SLC25A48: variants seen among roughly 807,000 people sequenced by gnomAD.
SLC25A48 encodes the protein solute carrier family 25 member 48, also known as CTC-321K16.1.
A neutral mutation model predicts 32.2 loss-of-function variants in SLC25A48; 29 were observed. The observed-to-expected ratio is 0.90, with a 90% CI of 0.67 to 1.23. SLC25A48 has a LOEUF of 1.23. Ranked by LOEUF, SLC25A48 falls within the 50% of genes most tolerant of loss-of-function variation. SLC25A48 has a pLI of 0.00. For synonymous variants in SLC25A48, 164 were observed against 172.3 expected (o/e 0.95, Z 0.38); for missense variants, 399 against 422.7 (o/e 0.94, Z 0.49).
intron 3 of SLC25A48, among the ~76,000 whole-genome samples, chr5:135,792,537 T>C (rs1474484642): frequency 6.6e-6 from 1 of 151,760 alleles, no homozygotes; most frequent in Non-Finnish European, 1.5e-5. Context: ...ATTATGTGTA[T>C]ACACTCTCTG....
chr5:135,858,181 G>C (rs575085539), intron 4 of SLC25A48, among the ~76,000 whole-genome samples: 1 of 152,320 alleles, frequency 6.6e-6, no homozygotes, highest in South Asian at 2.1e-4. Flanking sequence ...TGTTTGTTCT[G>C]TTCTTCCCTG....
chr5:135,840,221 A>G (rs1259219389), intron 1 of SLC25A48, among the ~76,000 whole-genome samples: 1 of 152,136 alleles, frequency 6.6e-6, no homozygotes, highest in African/African-American at 2.4e-5. Context: ...TGAGCATCCT[A>G]TAGGTGTCAG....
At chr5:135,848,801 T>C (rs1759609183) in intron 2 of SLC25A48, among the ~76,000 whole-genome samples, 1 of 152,194 alleles carries the variant, frequency 6.6e-6, no homozygotes, top group Non-Finnish European at 1.5e-5. Context: ...GTAATAATTA[T>C]GAACAGGGTG....
intron 3 of SLC25A48, among the ~76,000 whole-genome samples, chr5:135,643,471 C>G (rs1752887209): frequency 6.6e-6 from 1 of 152,166 alleles, no homozygotes; most frequent in Non-Finnish European, 1.5e-5. Flanking sequence ...CAAGATGGCC[C>G]CATCACTGCA....
intron 3 of SLC25A48, among the ~76,000 whole-genome samples, chr5:135,705,614 G>A (rs975351022): frequency 1.3e-5 from 2 of 152,212 alleles, no homozygotes; most frequent in African/African-American, 2.4e-5. Flanking sequence ...ACCTTGCTTG[G>A]AAGAACAGAT....
intron 4 of SLC25A48, among the ~76,000 whole-genome samples, chr5:135,813,531 C>A (rs1203687638): frequency 5.3e-5 from 8 of 152,222 alleles, no homozygotes. Flanking sequence ...AGCTATAAGA[C>A]CCTTGAGTAG....
intron 3 of SLC25A48, among the ~76,000 whole-genome samples, chr5:135,684,178 C>T (rs1356674121): frequency 6.6e-6 from 1 of 152,182 alleles, no homozygotes; most frequent in African/African-American, 2.4e-5. Context: ...TTCTCCTGAT[C>T]CCCAACAACT....
At chr5:135,853,545 C>T (rs1760065456) in intron 4 of SLC25A48, among the ~76,000 whole-genome samples, 1 of 152,210 alleles carries the variant, frequency 6.6e-6, no homozygotes. Flanking sequence ...CTTTCTCATC[C>T]ATAAGAAGTA....
At chr5:135,697,671 G>A (rs558041349) in intron 3 of SLC25A48, among the ~76,000 whole-genome samples, 1 of 152,308 alleles carries the variant, frequency 6.6e-6, no homozygotes, top group South Asian at 2.1e-4. Context: ...TATGTCAGAT[G>A]TGCCAGCAGA....
At chr5:135,631,284 G>A (rs1023106781) in intron 2 of SLC25A48, among the ~76,000 whole-genome samples, 2 of 152,206 alleles carry the variant, frequency 1.3e-5, no homozygotes, top group African/African-American at 4.8e-5. Flanking sequence ...TCAAAGTATT[G>A]ATTGGCTCTG....
chr5:135,607,130 T>C (rs951162428), intron 1 of SLC25A48, among the ~76,000 whole-genome samples: 2 of 152,220 alleles, frequency 1.3e-5, no homozygotes, highest in Non-Finnish European at 2.9e-5. Flanking sequence ...CCAAAGGCGC[T>C]GCCTCTGAGA....
chr5:135,741,645 G>A (rs557287095), intron 3 of SLC25A48, among the ~76,000 whole-genome samples: 1 of 152,298 alleles, frequency 6.6e-6, no homozygotes, highest in Admixed American at 6.5e-5. Context: ...GGCTGAGGTG[G>A]GAGGATAGAT....
At chr5:135,783,262 G>C (rs1756762291) in intron 3 of SLC25A48, among the ~76,000 whole-genome samples, 1 of 118,220 alleles carries the variant, frequency 8.5e-6, no homozygotes, top group African/African-American at 2.6e-5. Flanking sequence ...ATCCACTGTG[G>C]TATCGTCCCT....
chr5:135,884,842 G>T (rs1386655559), intron 7 of SLC25A48, among the ~76,000 whole-genome samples: 1 of 151,936 alleles, frequency 6.6e-6, no homozygotes, highest in Non-Finnish European at 1.5e-5. Context: ...CTCCTGATGA[G>T]GCTGAGATGC....
intron 3 of SLC25A48, among the ~76,000 whole-genome samples, chr5:135,778,206 G>T (rs886180207): frequency 6.6e-6 from 1 of 151,250 alleles, no homozygotes; most frequent in African/African-American, 2.4e-5. Flanking sequence ...AATATCGCAG[G>T]GCGTGTACAC....
rs779309531 is a variant in SLC25A48, at chr5:135,665,114, A to G, written c.-521+30158A>G. 3.9e-5 allele frequency among the ~76,000 whole-genome samples: 6 copies of G among 152,228 alleles called. No individual in the cohort carries two copies. In the South Asian group the frequency reaches 1.0e-3, roughly 26 times the overall value. Reference sequence around the variant, plus strand: ...GTTTCTTGACATTTTATTAATGGCCATTCTTGTAAAAGTAAGGTGGTATGT... The same window carrying G: ...GTTTCTTGACATTTTATTAATGGCCGTTCTTGTAAAAGTAAGGTGGTATGT... On this transcript the variant is annotated intron_variant, in intron 3 of 10. Transcript: ENST00000646290.
rs138741356 is a variant in SLC25A48, at chr5:135,700,530, A to G, written c.-521+65574A>G. Among the ~76,000 whole-genome samples the G allele has an allele frequency of 5.9e-3, 893 of 152,320 alleles. 9 individuals are homozygous for G. The highest frequency in any genetic ancestry group is 0.02 in the African/African-American group (817 of 41,560). The stretch of plus-strand genomic sequence containing the variant: ...ATGAAGGAGGGTGCCCAGCCTCTAG[A>G]GCCCATCTCTGGGAGAGGCCCCCAC... On this transcript the variant is annotated intron_variant, in intron 3 of 10. Transcript: ENST00000646290.
intron 3 of SLC25A48, among the ~76,000 whole-genome samples, chr5:135,750,672 G>A (rs1484173134): frequency 6.6e-6 from 1 of 152,060 alleles, no homozygotes; most frequent in African/African-American, 2.4e-5. Flanking sequence ...GTATCCAATC[G>A]GACATCAGGC....
chr5:135,785,355 G>A (rs1429062754), intron 3 of SLC25A48, among the ~76,000 whole-genome samples: 1 of 151,644 alleles, frequency 6.6e-6, no homozygotes, highest in Non-Finnish European at 1.5e-5. Context: ...CCCTTGGGGC[G>A]GGAGGTGGAA....
Sources: gnomAD v4.1 joint callset for allele counts (sites outside exome capture counted in the v4.1 genomes callset) on GRCh38, gnomAD v4.1.1 for gene constraint, MANE v1.5 for transcripts, NCBI Gene and HGNC (gene_info 2026-07-23, HGNC 2026-07-21) for gene names.